The following SYCE2 variants were observed in gnomAD, a reference collection of about 807,000 sequenced individuals.
SYCE2 encodes synaptonemal complex central element protein 2, also known as central element synaptonemal complex 1.
SYCE2 carries 3 observed loss-of-function variants against 27.9 expected under a neutral mutation model. The observed-to-expected ratio is 0.11, with a 90% confidence interval of 0.05 to 0.28. The LOEUF (loss-of-function observed/expected upper bound fraction) is 0.28, where lower values mean the gene tolerates loss of function less well. Among genes scored for constraint, SYCE2 ranks in the 10% least tolerant of loss-of-function variants. The probability of loss-of-function intolerance (pLI) is 1.00; values close to 1 mark genes in which losing one functional copy is unlikely to be tolerated. For synonymous variants in SYCE2, 85 were observed against 100.7 expected (o/e 0.84, Z 0.93); for missense variants, 207 against 263.5 (o/e 0.79, Z 1.48).
chr19:12,900,008 G>A lies in SYCE2; in HGVS notation c.608C>T (p.Ser203Phe). 1 of 1,613,270 alleles carries A rather than the reference G, an allele frequency of 6.2e-7. No homozygotes were observed. The highest frequency in any genetic ancestry group is 8.5e-7 in the Non-Finnish European group (1 of 1,179,964). Residue 203 changes from serine (S) to phenylalanine (F), a missense_variant, in exon 5 of 6, where the codon TCT (serine) becomes TTT (phenylalanine). By Grantham distance (155) the Ser-to-Phe change is radical. Coordinates refer to ENST00000293695, the MANE Select transcript of SYCE2 (RefSeq NM_001105578.2). ...VFVSSVAETT[S>F]QATASEVQTN... ...GGCCGGTTTACTGGTAACCACCTGA[G>A]AAGTAGTTTCAGCCACAGAAGAAAC...
chr19:12,905,225 C>T (rs1970912134), intron 2 of SYCE2, among the ~76,000 whole-genome samples: 1 of 152,140 alleles, frequency 6.6e-6, no homozygotes, highest in Non-Finnish European at 1.5e-5. Flanking sequence ...CTAAATATGC[C>T]CAAGGTTCCA....
intron 3 of SYCE2, 115 bp from the exon 4 acceptor site, chr19:12,900,763 G>T (rs762996762): frequency 1.0e-5 from 11 of 1,048,866 alleles, no homozygotes; most frequent in Admixed American, 2.2e-5. Flanking sequence ...GACAAAATAG[G>T]CTGGGCACGG....
In SYCE2 at chr19:12,918,284, C is replaced by G. The variant is rs747566456; in HGVS notation, c.69G>C (p.Glu23Asp). Residue 23 changes from glutamate (E) to aspartate (D), a missense_variant, in exon 2 of 6, where the codon GAG (glutamate) becomes GAC (aspartate). Transcript: ENST00000293695. Reference protein sequence around the residue: ...CKDQEPQPLGESKEHPRWEEN... With the variant: ...CKDQEPQPLGDSKEHPRWEEN... ...CTTCCCACCGCGGATGCTCCTTGCT[C>G]TCCCCCAAGGGCTGCGGTTCCTGGT... 6.2e-6 allele frequency: 10 copies of G among 1,614,168 alleles called. No homozygotes were observed. The South Asian group carries it at 8.8e-5, about 14-fold the overall frequency.
chr19:12,912,389 T>C (rs1326614869), intron 2 of SYCE2, among the ~76,000 whole-genome samples: 1 of 152,058 alleles, frequency 6.6e-6, no homozygotes. Context: ...CCCCCCGCTA[T>C]ACCTAGGCCT....
intron 3 of SYCE2, among the ~76,000 whole-genome samples, chr19:12,904,025 T>C (rs1245185146): frequency 6.6e-6 from 1 of 152,196 alleles, no homozygotes; most frequent in Non-Finnish European, 1.5e-5. Context: ...TCACAGACCA[T>C]TCGATGGCTT....
At chr19:12,910,141 A>G (rs1050662440) in intron 2 of SYCE2, among the ~76,000 whole-genome samples, 3 of 152,182 alleles carry the variant, frequency 2.0e-5, no homozygotes, top group African/African-American at 7.2e-5. Context: ...CTGGGATTAC[A>G]GGCGTGAGCC....
intron 2 of SYCE2, among the ~76,000 whole-genome samples, chr19:12,904,985 CAG>C (rs1970905932): frequency 6.7e-6 from 1 of 150,314 alleles, no homozygotes; most frequent in African/African-American, 2.5e-5. Flanking sequence ...GCCTGGGTGA[CAG>C]AGCGAGACTC....
intron 2 of SYCE2, among the ~76,000 whole-genome samples, chr19:12,906,901 A>T (rs1006582547): frequency 1.8e-4 from 27 of 152,302 alleles, no homozygotes; most frequent in Non-Finnish European, 3.4e-4. Flanking sequence ...AAAAATAAAT[A>T]AATTAATTAA....
At chr19:12,900,438 C>T in intron 4 of SYCE2, 22 bp downstream of exon 4, 2 of 1,608,026 alleles carry the variant, frequency 1.2e-6, no homozygotes, top group South Asian at 1.1e-5. Flanking sequence ...AGGCAGCGCC[C>T]CCCCTGTGAG....
intron 3 of SYCE2, among the ~76,000 whole-genome samples, chr19:12,903,849 C>G (rs1970888036): frequency 6.6e-6 from 1 of 152,192 alleles, no homozygotes; most frequent in Admixed American, 6.6e-5. Flanking sequence ...CCACCTGCCT[C>G]GGCCTTCCAA....
At chr19:12,902,074 T>C (rs997353362) in intron 3 of SYCE2, among the ~76,000 whole-genome samples, 1 of 152,150 alleles carries the variant, frequency 6.6e-6, no homozygotes, top group African/African-American at 2.4e-5. Flanking sequence ...GATACACAAA[T>C]ACTTACCATC....
chr19:12,916,242 T>C (rs1313457525), intron 2 of SYCE2, among the ~76,000 whole-genome samples: 1 of 151,950 alleles, frequency 6.6e-6, no homozygotes, highest in Admixed American at 6.6e-5. Flanking sequence ...GCTAATTTTT[T>C]GTATTTTTAG....
chr19:12,917,690 G>A (rs1439382656), intron 2 of SYCE2, among the ~76,000 whole-genome samples: 3 of 83,820 alleles, frequency 3.6e-5, no homozygotes, highest in African/African-American at 1.8e-4. Context: ...ACAGCGTTTC[G>A]GTCTTTTTGC....
intron 2 of SYCE2, among the ~76,000 whole-genome samples, chr19:12,910,275 A>G (rs1971019053): frequency 6.6e-6 from 1 of 152,062 alleles, no homozygotes; most frequent in Non-Finnish European, 1.5e-5. Context: ...TTTGTAAAAA[A>G]TTTTGTAATA....
chr19:12,917,676 TGAGACAGCGTTTCGGTC>T (rs1971161577), intron 2 of SYCE2, among the ~76,000 whole-genome samples: 26 of 146,618 alleles, frequency 1.8e-4, no homozygotes, highest in East Asian at 2.0e-4. Context: ...TTTTTTTTTT[TGAGACAGCGTTTCGGTC>T]TTTTTGCCCA....
At chr19:12,912,324 G>T (rs1971063106) in intron 2 of SYCE2, among the ~76,000 whole-genome samples, 1 of 151,714 alleles carries the variant, frequency 6.6e-6, no homozygotes, top group Non-Finnish European at 1.5e-5. Flanking sequence ...TGCCTGGAAT[G>T]ACTTTCCCTT....
chr19:12,917,659 C>CTTTTTTTTTTTTTT lies in SYCE2; in HGVS notation c.131+549_131+562dup, dbSNP rs71168635. ...TACAGGCATAAGCCACCATTCCTGG[C>CTTTTTTTTTTTTTT]TTTTTTTTTTTTTTTTTGAGACAGC... On this transcript the variant is annotated intron_variant, in intron 2 of 5. Transcript: ENST00000293695. 1.2e-3 allele frequency among the ~76,000 whole-genome samples: 99 copies of CTTTTTTTTTTTTTT among 79,390 alleles called. 13 individuals are homozygous for CTTTTTTTTTTTTTT. The highest frequency in any genetic ancestry group is 1.9e-3 in the East Asian group (4 of 2,074). The allele number at this position is 79,390 out of a possible 152,430, so 52.1% of individuals were successfully genotyped here.
intron 2 of SYCE2, among the ~76,000 whole-genome samples, chr19:12,913,279 G>A (rs1191095449): frequency 1.3e-5 from 2 of 152,228 alleles, no homozygotes; most frequent in Admixed American, 6.5e-5. Flanking sequence ...CAGGAGCTGC[G>A]GAGGAAATGG....
chr19:12,913,255 G>A (rs1156273233), intron 2 of SYCE2, among the ~76,000 whole-genome samples: 2 of 152,366 alleles, frequency 1.3e-5, no homozygotes, highest in South Asian at 4.1e-4. Context: ...CAGGGCCCAC[G>A]CTGGCAGGGG....
Sources: gnomAD v4.1 joint callset for allele counts (sites outside exome capture counted in the v4.1 genomes callset) on GRCh38, gnomAD v4.1.1 for gene constraint, MANE v1.5 for transcripts, NCBI Gene and HGNC (gene_info 2026-07-23, HGNC 2026-07-21) for gene names.